Variants in ZNF649 observed in about 807,000 individuals in gnomAD.
The protein encoded by ZNF649 is zinc finger protein 649.
A neutral mutation model predicts 14.1 loss-of-function variants in ZNF649; 7 were observed. The observed-to-expected ratio is 0.49, with a 90% CI of 0.28 to 0.93. The LOEUF (loss-of-function observed/expected upper bound fraction) is 0.93. Ranked by LOEUF, ZNF649 falls within the 40% of genes least tolerant of loss-of-function variation. The probability of loss-of-function intolerance (pLI) is 0.10; values close to 1 mark genes in which losing one functional copy is unlikely to be tolerated. For missense variants in ZNF649, 544 were observed against 608.1 expected (o/e 0.89, Z 1.11); for synonymous variants, 227 against 212.3 (o/e 1.07, Z -0.60).
rs751850368 is a variant in ZNF649, at chr19:51,896,574, G to A, written c.143-7C>T. 11 of 1,614,034 alleles carry A rather than the reference G, an allele frequency of 6.8e-6. No individual in the cohort carries two copies. The highest frequency in any genetic ancestry group is 7.6e-6 in the Non-Finnish European group (9 of 1,179,870). On this transcript the variant is annotated splice_region_variant and splice_polypyrimidine_tract_variant and intron_variant, in intron 3 of 4. Transcript: ENST00000354957. ...GGTTTGCCGGCTTGATACCCTGTTT[G>A]TGGGAAATGGGAGAAGACTTAGGCT...
chr19:51,903,636 T>G (rs2085106837), intron 1 of ZNF649, among the ~76,000 whole-genome samples: 1 of 152,154 alleles, frequency 6.6e-6, no homozygotes, highest in South Asian at 2.1e-4. Context: ...CTGGCCAACG[T>G]GGTGAAAGCC....
Position 51,896,532 on chromosome 19 carries a change from A to T in ZNF649, c.178T>A (p.Leu60Met). 1 of 1,614,082 alleles carries T rather than the reference A, an allele frequency of 6.2e-7. No individual in the cohort carries two copies. The highest frequency in any genetic ancestry group is 8.5e-7 in the Non-Finnish European group (1 of 1,180,024). The change falls in exon 4 of 5, where the codon TTG becomes ATG. Residue 60 changes from leucine (L) to methionine (M), a missense_variant. Coordinates refer to ENST00000354957, the MANE Select transcript of ZNF649 (RefSeq NM_023074.4). The part of the protein sequence containing the change: ...QAGKPDALTK[L>M]EQGEPLWTLE... ...GTCCATAGTGGTTCTCCTTGTTCCA[A>T]CTTGGTGAGGGCATCAGGTTTGCCG...
At chr19:51,903,023 G>A (rs2085103649) in intron 1 of ZNF649, among the ~76,000 whole-genome samples, 1 of 152,096 alleles carries the variant, frequency 6.6e-6, no homozygotes, top group Non-Finnish European at 1.5e-5. Flanking sequence ...TATTCTCAGG[G>A]CAAATGGGAA....
intron 4 of ZNF649, among the ~76,000 whole-genome samples, chr19:51,893,308 T>A (rs973286364): frequency 1.2e-4 from 19 of 152,128 alleles, no homozygotes; most frequent in African/African-American, 4.6e-4. Context: ...ATAAAGATAT[T>A]CATAAGACTC....
intron 1 of ZNF649, among the ~76,000 whole-genome samples, chr19:51,903,030 G>GC (rs1449337080): frequency 7.6e-4 from 116 of 152,208 alleles, no homozygotes; most frequent in Non-Finnish European, 1.3e-3. Flanking sequence ...AGGGCAAATG[G>GC]GAAAAGGAAT....
At chr19:51,896,731 G>T (rs538679702) in intron 3 of ZNF649, 121 bp downstream of exon 3, 13 of 1,601,836 alleles carry the variant, frequency 8.1e-6, no homozygotes, top group Non-Finnish European at 1.1e-5. Flanking sequence ...TGTGGGACCA[G>T]AGACGGGCCT....
At chr19:51,904,313 C>G (rs1426392445) in intron 1 of ZNF649, 1 of 152,140 alleles carries the variant, frequency 6.6e-6, no homozygotes, top group African/African-American at 2.4e-5. Context: ...ACTCCGGTCT[C>G]CCCGCACAGC....
intron 4 of ZNF649, among the ~76,000 whole-genome samples, chr19:51,894,725 T>C (rs2085048278): frequency 6.6e-6 from 1 of 152,212 alleles, no homozygotes; most frequent in Non-Finnish European, 1.5e-5. Flanking sequence ...AAATTTGCCC[T>C]ATTTTTGCTA....
At chr19:51,894,120 T>G (rs1350356565) in intron 4 of ZNF649, among the ~76,000 whole-genome samples, 1 of 151,904 alleles carries the variant, frequency 6.6e-6, no homozygotes. Flanking sequence ...GTGACCAGTT[T>G]CAAGCTAATC....
Position 51,891,208 on chromosome 19 carries a change from G to A in ZNF649, c.928C>T (p.Arg310Ter), listed in dbSNP as rs775577415. Residue 310 changes from arginine to a stop codon, truncating the protein, a stop_gained, in exon 5 of 5, where the codon CGA becomes TGA. Coordinates refer to ENST00000354957, the MANE Select transcript of ZNF649 (RefSeq NM_023074.4). LOFTEE classifies it low-confidence loss of function (END_TRUNC). The surrounding 1 kb of genome is among the most constrained non-coding windows in gnomAD (Gnocchi z 4.2). ...SRKSLLVVHQ[R>*]THTGEKPHTC... ...TGAGGCTTCTCTCCTGTATGAGTTC[G>A]CTGATGTACAACGAGTAGTGATTTT... 3.3e-5 allele frequency: 53 copies of A among 1,614,180 alleles called. No individual in the cohort carries two copies. The highest frequency in any genetic ancestry group is 3.1e-5 in the Non-Finnish European group (36 of 1,180,014).
chr19:51,901,065 C>G (rs2085091643), intron 1 of ZNF649, among the ~76,000 whole-genome samples: 1 of 151,980 alleles, frequency 6.6e-6, no homozygotes, highest in African/African-American at 2.4e-5. Flanking sequence ...TGGAGTCACA[C>G]AGGATACACT....
rs2085026591 is a variant in ZNF649 at position 51,891,996 on chromosome 19, T to C, written c.239-99A>G. On this transcript the variant is annotated intron_variant, in intron 4 of 4. Coordinates refer to ENST00000354957, the MANE Select transcript of ZNF649 (RefSeq NM_023074.4). The surrounding 1 kb of genome is among the most constrained non-coding windows in gnomAD (Gnocchi z 4.2). Reference sequence around the variant, plus strand: ...GGCTGGCTTTTTACTGGAACCCCTATAATACCAACATGGAAGGAATTCCAA... The same window carrying C: ...GGCTGGCTTTTTACTGGAACCCCTACAATACCAACATGGAAGGAATTCCAA... 9 of 1,326,012 alleles carry C rather than the reference T, an allele frequency of 6.8e-6. No individual in the cohort carries two copies. Among genetic ancestry groups the C allele is most frequent in the Non-Finnish European group, 9.1e-6 (9 of 989,950 alleles). The allele number at this position is 1,326,012 out of a possible 1,614,324, so 82.1% of individuals were successfully genotyped here. A position where few individuals can be genotyped will look rare whatever the true frequency, so the allele number is the denominator to read the frequency against.
At position 51,890,983 on chromosome 19, in the gene ZNF649, G is replaced by C. The variant is rs1309259414; in HGVS notation, c.1153C>G (p.Gln385Glu). Reference protein sequence around the residue: ...VCPECGQPCSQKSGLIRHQKI... With the variant: ...VCPECGQPCSEKSGLIRHQKI... ...TGATGTCTAATGAGTCCTGACTTCT[G>C]TGAACAGGGTTGCCCACATTCAGGA... The change falls in exon 5 of 5, where the codon CAG (glutamine) becomes GAG (glutamate). Residue 385 changes from glutamine to glutamate, a missense_variant. By Grantham distance (29) the Gln-to-Glu change is conservative (BLOSUM62 2). Transcript: ENST00000354957. The C allele has an allele frequency of 2.5e-6, 4 of 1,613,730 alleles. No homozygotes were observed. The African/African-American group carries it at 4.0e-5, about 16-fold the overall frequency.
intron 2 of ZNF649, among the ~76,000 whole-genome samples, chr19:51,898,533 C>A (rs73934696): frequency 0.099 from 15,017 of 152,014 alleles, 2,335 homozygotes; most frequent in African/African-American, 0.33. Flanking sequence ...ATTGCAGTGC[C>A]CCCTTCCCCC....
At chr19:51,897,896 C>T (rs1049969955) in intron 2 of ZNF649, among the ~76,000 whole-genome samples, 29 of 151,926 alleles carry the variant, frequency 1.9e-4, no homozygotes, top group African/African-American at 6.5e-4. Flanking sequence ...CAAAGGTGGG[C>T]GGATCACCCG....
At chr19:51,903,201 G>A (rs1334408940) in intron 1 of ZNF649, among the ~76,000 whole-genome samples, 1 of 152,128 alleles carries the variant, frequency 6.6e-6, no homozygotes, top group Non-Finnish European at 1.5e-5. Context: ...GAATCTGTAA[G>A]TTCCCCAGAA....
chr19:51,893,699 T>C (rs769829004), intron 4 of ZNF649, among the ~76,000 whole-genome samples: 1 of 152,150 alleles, frequency 6.6e-6, no homozygotes, highest in Non-Finnish European at 1.5e-5. Flanking sequence ...AGATGTCATA[T>C]TGGATTTTTT....
chr19:51,900,177 AATT>A lies in ZNF649; in HGVS notation c.-73_-71del, dbSNP rs2085087017. The A allele has an allele frequency of 3.7e-6, 5 of 1,354,152 alleles. No homozygotes were observed. The South Asian group carries it at 1.0e-4, about 28-fold the overall frequency. 83.9% of individuals were successfully genotyped at this position (1,354,152 alleles called of 1,614,324 possible). A position where few individuals can be genotyped will look rare whatever the true frequency, so the allele number is the denominator to read the frequency against. On this transcript the variant is annotated 5_prime_UTR_variant, in exon 2 of 5. Transcript: ENST00000354957. ...TTTGGTTTCTTCTGGATCCTCCCTA[AATT>A]TTGGCTAAGAAATCTGAGTCTCCAT... is the stretch of plus-strand genomic sequence containing the variant.
chr19:51,900,641 G>A (rs1415557644), intron 1 of ZNF649, among the ~76,000 whole-genome samples: 3 of 152,204 alleles, frequency 2.0e-5, no homozygotes. Flanking sequence ...GAGGCCTCCT[G>A]TGATTTTCCA....
Sources: gnomAD v4.1 joint callset for allele counts (sites outside exome capture counted in the v4.1 genomes callset) on GRCh38, gnomAD v4.1.1 for gene constraint, Gnocchi (gnomAD v3.1) non-coding constraint, MANE v1.5 for transcripts, NCBI Gene and HGNC (gene_info 2026-07-23, HGNC 2026-07-21) for gene names.